Variants in SNX19 observed in about 807,000 individuals in gnomAD.
SNX19 encodes the protein sorting nexin-19.
Under a neutral mutation model 85.2 loss-of-function variants are expected in SNX19, and 60 were observed. The observed-to-expected ratio is 0.70, with a 90% CI of 0.57 to 0.87. SNX19 has a LOEUF of 0.87. Ranked by LOEUF, SNX19 falls within the 40% of genes least tolerant of loss-of-function variation. The pLI is 0.00. For missense variants in SNX19, 1,201 were observed against 1,217.8 expected (o/e 0.99, Z 0.21); for synonymous variants, 520 against 470.0 (o/e 1.11, Z -1.38).
intron 8 of SNX19, among the ~76,000 whole-genome samples, chr11:130,901,013 G>C (rs1209890034): frequency 2.0e-5 from 3 of 152,152 alleles, no homozygotes; most frequent in African/African-American, 4.8e-5. Flanking sequence ...GCTAGTTCCG[G>C]TCCTTAAAGA....
intron 9 of SNX19, among the ~76,000 whole-genome samples, chr11:130,879,986 T>C (rs1943543857): frequency 1.3e-5 from 2 of 152,210 alleles, no homozygotes. Flanking sequence ...ACAGTTTAGG[T>C]TGGCAAACAG....
Position 130,915,498 on chromosome 11 carries a change from C to T in SNX19, c.442G>A (p.Val148Met), listed in dbSNP as rs1305761613. 6 of 1,614,118 alleles carry T rather than the reference C, an allele frequency of 3.7e-6. No individual in the cohort carries two copies. The highest frequency in any genetic ancestry group is 2.2e-5 in the East Asian group (1 of 44,896). The change falls in exon 1 of 11, where the codon GTG becomes ATG. Residue 148 changes from valine (V) to methionine (M), a missense_variant. Around this residue, in one of 3 missense-constraint regions of SNX19, gnomAD observed 791 missense variants for 750.9 expected, o/e 1.05. Coordinates refer to ENST00000265909, the MANE Select transcript of SNX19 (RefSeq NM_014758.3). ...LVQELRRRMS[V>M]MDSHAVAQSV... The stretch of plus-strand genomic sequence containing the variant: ...TGGGCAACAGCATGACTGTCCATCA[C>T]GCTCATCCTTCTCCGAAGCTCCTGG...
intron 8 of SNX19, among the ~76,000 whole-genome samples, chr11:130,896,151 G>C (rs1944861180): frequency 1.3e-5 from 2 of 152,178 alleles, no homozygotes; most frequent in Admixed American, 6.5e-5. Flanking sequence ...TTTTGTATGT[G>C]GGGGTCTTGC....
Position 130,916,061 on chromosome 11 carries a change from G to A in SNX19, c.-122C>T, listed in dbSNP as rs1946566325. 1 of 864,354 alleles carries A rather than the reference G, an allele frequency of 1.2e-6. No homozygotes were observed. Among genetic ancestry groups the A allele is most frequent in the Non-Finnish European group, 1.8e-6 (1 of 565,842 alleles). 53.5% of individuals were successfully genotyped at this position (864,354 alleles called of 1,614,324 possible). A position where few individuals can be genotyped will look rare whatever the true frequency, so the allele number is the denominator to read the frequency against. On this transcript the variant is annotated 5_prime_UTR_variant, in exon 1 of 11. Coordinates refer to ENST00000265909, the MANE Select transcript of SNX19 (RefSeq NM_014758.3). ...CGATCTGGGTGCTGTTCAGGGAACC[G>A]GGGCTCCAGGCCCTCAAAGTCCTAC...
Position 130,914,408 on chromosome 11 carries a change from A to C in SNX19, c.1532T>G (p.Leu511Arg). The C allele has an allele frequency of 6.2e-7, 1 of 1,613,950 alleles. No individual in the cohort carries two copies. Among genetic ancestry groups the C allele is most frequent in the Middle Eastern group, 1.7e-4 (1 of 6,036 alleles). ...VLLSSSPPGPLSSATFSFEPL... is the reference protein window; with the variant it reads ...VLLSSSPPGPRSSATFSFEPL... ...CTCAAAGCTGAAGGTGGCTGAGCTG[A>C]GAGGACCAGGTGGAGAGGAGGAAAG... Residue 511 changes from leucine (L) to arginine (R), a missense_variant, in exon 1 of 11, where the codon CTC (leucine) becomes CGC (arginine). Leu to Arg is a moderately radical substitution (Grantham distance 102, BLOSUM62 -2). Transcript: ENST00000265909.
intron 10 of SNX19, 67 bp from the exon 11 acceptor site, chr11:130,878,621 A>G: frequency 1.3e-6 from 2 of 1,547,300 alleles, no homozygotes; most frequent in African/African-American, 1.4e-5. Flanking sequence ...TGTTTATGAC[A>G]TTTATTTTCT....
At chr11:130,905,710 T>G in intron 7 of SNX19, 2 of 1,534,054 alleles carry the variant, frequency 1.3e-6, no homozygotes, top group South Asian at 1.2e-5. Context: ...ATCAGCATGA[T>G]CTCATCCTGC....
chr11:130,891,483 G>A (rs1447987961), intron 8 of SNX19, among the ~76,000 whole-genome samples: 2 of 152,140 alleles, frequency 1.3e-5, no homozygotes, highest in African/African-American at 2.4e-5. Context: ...CAATTTTCCT[G>A]GGAAATAGGC....
chr11:130,888,523 ACAACTGCATG>A (rs1455080264), intron 8 of SNX19, among the ~76,000 whole-genome samples: 2 of 152,190 alleles, frequency 1.3e-5, no homozygotes, highest in African/African-American at 2.4e-5. Context: ...CAATGTAACT[ACAACTGCATG>A]CTAATCAGGC....
At chr11:130,889,388 C>A (rs1944335366) in intron 8 of SNX19, among the ~76,000 whole-genome samples, 1 of 151,910 alleles carries the variant, frequency 6.6e-6, no homozygotes. Context: ...TAAATGCCCC[C>A]CGACCCCCCA....
chr11:130,893,845 T>A (rs1226908909), intron 8 of SNX19: 1 of 702,146 alleles, frequency 1.4e-6, no homozygotes, highest in Non-Finnish European at 2.6e-6. Flanking sequence ...CAGCATTATA[T>A]TAGAGCTAAA....
At position 130,867,106 on chromosome 11, in the gene SNX19, C is replaced by T. The variant is rs148978109; in HGVS notation, c.*11316G>A. ...CGGCATAACCCATGTTCTTAATCCCCGTGCTGCTGCCTCCCAATAAACTGG... is the reference window on the plus strand; with the variant it reads ...CGGCATAACCCATGTTCTTAATCCCTGTGCTGCTGCCTCCCAATAAACTGG... On this transcript the variant is annotated 3_prime_UTR_variant, in exon 11 of 11. Coordinates refer to ENST00000265909, the MANE Select transcript of SNX19 (RefSeq NM_014758.3). The T allele has an allele frequency of 1.6e-4, 25 of 152,300 alleles. No homozygotes were observed. The East Asian group carries it at 1.7e-3, about 11-fold the overall frequency. The allele number at this position is 152,300 out of a possible 1,614,324, so 9.4% of individuals were successfully genotyped here.
At chr11:130,881,936 G>A (rs79311356) in intron 8 of SNX19, among the ~76,000 whole-genome samples, 1 of 152,178 alleles carries the variant, frequency 6.6e-6, no homozygotes, top group East Asian at 1.9e-4. Context: ...TCCCCGCCGT[G>A]CTTGGTGCTC....
In SNX19 at chr11:130,869,604, G is replaced by T. The variant is rs1942931249; in HGVS notation, c.*8818C>A. On this transcript the variant is annotated 3_prime_UTR_variant, in exon 11 of 11. Transcript: ENST00000265909. ...TAAACTTTCTGAGTCTCAGAATCTGGGACTTAAAATCAGGGGAAGAGATGT... is the reference window on the plus strand; with the variant it reads ...TAAACTTTCTGAGTCTCAGAATCTGTGACTTAAAATCAGGGGAAGAGATGT... 6.6e-6 allele frequency: 1 copy of T among 152,108 alleles called. No homozygotes were observed. Among genetic ancestry groups the T allele is most frequent in the Non-Finnish European group, 1.5e-5 (1 of 68,034 alleles). The allele number at this position is 152,108 out of a possible 1,614,324, so 9.4% of individuals were successfully genotyped here. A position where few individuals can be genotyped will look rare whatever the true frequency, so the allele number is the denominator to read the frequency against.
At position 130,868,330 on chromosome 11, in the gene SNX19, G is replaced by A. The variant is rs1476753696; in HGVS notation, c.*10092C>T. The A allele has an allele frequency of 6.6e-6, 1 of 152,136 alleles. No individual in the cohort carries two copies. Among genetic ancestry groups the A allele is most frequent in the African/African-American group, 2.4e-5 (1 of 41,404 alleles). 9.4% of individuals were successfully genotyped at this position (152,136 alleles called of 1,614,324 possible). A position where few individuals can be genotyped will look rare whatever the true frequency, so the allele number is the denominator to read the frequency against. ...GCGGAGCCCTTTCACCAGGAACTGG[G>A]TTGCAAAGTCTGTTAGTGGAAAAAA... is the stretch of plus-strand genomic sequence containing the variant. On this transcript the variant is annotated 3_prime_UTR_variant, in exon 11 of 11. Coordinates refer to ENST00000265909, the MANE Select transcript of SNX19 (RefSeq NM_014758.3).
rs1942977164 is a variant in SNX19 at position 130,870,455 on chromosome 11, C to T, written c.*7967G>A. ...AACATTTGAGTAATGGATTTCTTTA[C>T]CTCACCTAAACAGATCCACTGAAAA... On this transcript the variant is annotated 3_prime_UTR_variant, in exon 11 of 11. Coordinates refer to ENST00000265909, the MANE Select transcript of SNX19 (RefSeq NM_014758.3). 6.6e-6 allele frequency among the ~76,000 whole-genome samples: 1 copy of T among 152,228 alleles called. No homozygotes were observed. Among genetic ancestry groups the T allele is most frequent in the Non-Finnish European group, 1.5e-5 (1 of 68,044 alleles).
rs1943144682 is a variant in SNX19, at chr11:130,874,434, G to C, written c.*3988C>G. Among the ~76,000 whole-genome samples the C allele has an allele frequency of 6.6e-6, 1 of 152,190 alleles. No homozygotes were observed. The highest frequency in any genetic ancestry group is 1.5e-5 in the Non-Finnish European group (1 of 68,020). On this transcript the variant is annotated 3_prime_UTR_variant, in exon 11 of 11. Transcript: ENST00000265909. ...AATGTTATCTCTGGGTGTGATGCCTGAAACTGCAGCAGCAGGAAGGCAGGC... is the reference window on the plus strand; with the variant it reads ...AATGTTATCTCTGGGTGTGATGCCTCAAACTGCAGCAGCAGGAAGGCAGGC...
At chr11:130,902,663 A>C (rs1222770914) in intron 8 of SNX19, among the ~76,000 whole-genome samples, 1 of 152,198 alleles carries the variant, frequency 6.6e-6, no homozygotes, top group African/African-American at 2.4e-5. Flanking sequence ...AGCAGCTAAA[A>C]ACTCCACCTG....
chr11:130,906,581 T>C (rs1945687917), intron 6 of SNX19, 44 bp downstream of exon 6: 1 of 1,340,922 alleles, frequency 7.5e-7, no homozygotes, highest in South Asian at 1.2e-5. Flanking sequence ...AGGACCAACA[T>C]CTCAGATATT....
Sources: allele counts gnomAD v4.1 joint callset (sites outside exome capture counted in the v4.1 genomes callset), GRCh38; gene constraint gnomAD v4.1.1; regional missense constraint gnomAD v4.1.1; transcripts MANE v1.5; gene names NCBI Gene and HGNC (gene_info 2026-07-23, HGNC 2026-07-21).